NUP160: variants seen among roughly 807,000 people sequenced by gnomAD.
NUP160 encodes the protein nucleoporin 160.
Under a neutral mutation model 196.9 loss-of-function variants are expected in NUP160, and 94 were observed. That is an observed-to-expected ratio of 0.48 (90% confidence interval 0.40 to 0.57). The LOEUF is 0.57. NUP160 is among the 20% of genes least tolerant of loss of function. NUP160 has a pLI of 0.00. For synonymous variants in NUP160, 605 were observed against 619.7 expected, an observed-to-expected ratio of 0.98 and a Z score of 0.35; for missense variants, 1,638 against 1,748.3, an observed-to-expected ratio of 0.94 and a Z score of 1.13.
intron 16 of NUP160, 31 bp from the exon 17 acceptor site, chr11:47,812,255 C>T: frequency 6.2e-7 from 1 of 1,613,562 alleles, no homozygotes; most frequent in Non-Finnish European, 8.5e-7. Flanking sequence ...GAGTTGAATG[C>T]ATCATTGTTT....
At chr11:47,847,982 C>T (rs1454317316) in intron 1 of NUP160, 23 bp from the exon 2 acceptor site, 8 of 1,570,056 alleles carry the variant, frequency 5.1e-6, no homozygotes, top group Admixed American at 3.3e-5. Flanking sequence ...CGTGGTCAGC[C>T]TGCACACGCG....
chr11:47,801,846 T>C (rs1361589420), exon 23 of NUP160: 1 of 1,613,804 alleles, frequency 6.2e-7, no homozygotes, highest in Non-Finnish European at 8.5e-7. Flanking sequence ...GTAGACACGA[T>C]CTCCCCATCC....
At chr11:47,791,974 G>A in exon 29 of NUP160, 1 of 1,610,694 alleles carries the variant, frequency 6.2e-7, no homozygotes, top group Admixed American at 1.7e-5. Flanking sequence ...CTTAGGGGAT[G>A]CTCCAGGGCG....
At chr11:47,822,233 A>C in intron 7 of NUP160, 69 bp from the exon 8 acceptor site, 1 of 1,086,526 alleles carries the variant, frequency 9.2e-7, no homozygotes, top group Non-Finnish European at 1.4e-6. Flanking sequence ...AGCAAGGGCT[A>C]TTACCATTCA....
exon 6 of NUP160, chr11:47,836,965 A>C (rs972435519): frequency 1.2e-6 from 2 of 1,613,768 alleles, no homozygotes; most frequent in African/African-American, 2.7e-5. Context: ...AATGAACAGC[A>C]AGACTGAGGG....
intron 3 of NUP160, 79 bp from the exon 4 acceptor site, chr11:47,840,144 A>C (rs1008644910): frequency 8.3e-6 from 9 of 1,078,614 alleles, no homozygotes; most frequent in Middle Eastern, 2.0e-4. Flanking sequence ...TTGCTAAAAA[A>C]GTTTTTAAAG....
Position 47,842,299 on chromosome 11 carries a change from G to GT in NUP160, c.315-1712dup, listed in dbSNP as rs1208684795. On this transcript the variant is annotated intron_variant, in intron 2 of 35. Coordinates refer to ENST00000378460, the Ensembl canonical transcript of NUP160. ...GCACATCTTATCTACTCCCAAGGAT[G>GT]TAAGTACCTTTTCAGCGCTGATGAT... is the stretch of plus-strand genomic sequence containing the variant. 2.0e-5 allele frequency among the ~76,000 whole-genome samples: 3 copies of GT among 152,134 alleles called. No individual in the cohort carries two copies. In the East Asian group the frequency reaches 5.8e-4, roughly 29 times the overall value.
chr11:47,810,528 T>C (rs1292321078), intron 17 of NUP160, among the ~76,000 whole-genome samples: 2 of 151,858 alleles, frequency 1.3e-5, no homozygotes, highest in African/African-American at 4.8e-5. Context: ...CCATTAGCGA[T>C]GTATCTGGGT....
At chr11:47,806,788 TATACACAC>T (rs369624697) in intron 19 of NUP160, among the ~76,000 whole-genome samples, 6,086 of 106,426 alleles carry the variant, frequency 0.057, 273 homozygotes, top group Middle Eastern at 0.093. Context: ...GGAAAGCAGC[TATACACAC>T]ACACACACAC....
At chr11:47,809,725 C>A (rs1453878696) in intron 17 of NUP160, among the ~76,000 whole-genome samples, 3 of 71,240 alleles carry the variant, frequency 4.2e-5, no homozygotes, top group Non-Finnish European at 7.2e-5. Context: ...GGCTACAGAG[C>A]AAGACTCTCA....
At chr11:47,805,102 G>A (rs545013580) in intron 20 of NUP160, among the ~76,000 whole-genome samples, 2 of 151,594 alleles carry the variant, frequency 1.3e-5, no homozygotes, top group Admixed American at 6.6e-5. Context: ...CTGGCATATA[G>A]AGTCATTCAA....
chr11:47,793,149 G>C (rs963369770), intron 27 of NUP160, among the ~76,000 whole-genome samples: 1 of 151,868 alleles, frequency 6.6e-6, no homozygotes, highest in Non-Finnish European at 1.5e-5. Flanking sequence ...CACCACGCCC[G>C]GCTAATTTTT....
At chr11:47,813,228 G>A (rs2097682172) in intron 14 of NUP160, 88 bp downstream of exon 14, 2 of 1,094,892 alleles carry the variant, frequency 1.8e-6, no homozygotes, top group Non-Finnish European at 2.7e-6. Flanking sequence ...GACAGGTGTG[G>A]CAATCGATAT....
At chr11:47,791,123 C>A (rs537035425) in intron 29 of NUP160, among the ~76,000 whole-genome samples, 2 of 151,422 alleles carry the variant, frequency 1.3e-5, no homozygotes, top group Non-Finnish European at 2.9e-5. Flanking sequence ...TACCTACTGG[C>A]GAAGCTGAAG....
intron 34 of NUP160, among the ~76,000 whole-genome samples, chr11:47,780,891 G>A (rs2097660378): frequency 6.6e-6 from 1 of 152,042 alleles, no homozygotes; most frequent in Non-Finnish European, 1.5e-5. Context: ...CACACAATGG[G>A]AACCCTCTTT....
At chr11:47,787,284 C>G (rs10838766) in intron 31 of NUP160, among the ~76,000 whole-genome samples, 88,062 of 151,620 alleles carry the variant, frequency 0.58, 25,855 homozygotes, top group Admixed American at 0.64. Context: ...GATGGGGTTT[C>G]GTCATGTTGG....
rs1261347287 is a variant in NUP160, at chr11:47,840,073, G to A, written c.526-8C>T. ...ACTGTCAACTACCAACTCCTGTTGA[G>A]TAATTAAAAAGAAAAATCTATTAAA... On this transcript the variant is annotated splice_polypyrimidine_tract_variant and splice_region_variant and intron_variant, in intron 3 of 35. Coordinates refer to ENST00000378460, the Ensembl canonical transcript of NUP160. 5.0e-6 allele frequency: 8 copies of A among 1,593,034 alleles called. No homozygotes were observed. Among genetic ancestry groups the A allele is most frequent in the Non-Finnish European group, 6.0e-6 (7 of 1,162,032 alleles).
intron 28 of NUP160, 40 bp from the exon 29 acceptor site, chr11:47,792,030 T>C: frequency 1.5e-6 from 2 of 1,339,122 alleles, no homozygotes; most frequent in Non-Finnish European, 2.1e-6. Flanking sequence ...TGAAAATCAG[T>C]ATTTTATTCT....
chr11:47,841,015 T>G (rs989005092), intron 2 of NUP160, among the ~76,000 whole-genome samples: 33 of 137,042 alleles, frequency 2.4e-4, no homozygotes, highest in Admixed American at 2.4e-3. Flanking sequence ...TGCGCACACA[T>G]ATACACACAC....
Sources: allele counts gnomAD v4.1 joint callset (sites outside exome capture counted in the v4.1 genomes callset), GRCh38; gene constraint gnomAD v4.1.1; transcripts MANE v1.5; gene names NCBI Gene and HGNC (gene_info 2026-07-23, HGNC 2026-07-21).